Variants in NR1D2 observed in about 807,000 individuals in gnomAD.
NR1D2 encodes V-erbA-related protein 1-related.
A neutral mutation model predicts 52.2 loss-of-function variants in NR1D2; 25 were observed. The ratio of observed to expected loss-of-function variants is 0.48; its 90% CI spans 0.35 to 0.67. The LOEUF (loss-of-function observed/expected upper bound fraction) is 0.67, where lower values mean the gene tolerates loss of function less well. Among genes scored for constraint, NR1D2 ranks in the 30% least tolerant of loss-of-function variants. The pLI is 0.01. For synonymous variants in NR1D2, 259 were observed against 230.1 expected (o/e 1.13, Z -1.14); for missense variants, 681 against 707.2 (o/e 0.96, Z 0.42).
intron 6 of NR1D2, among the ~76,000 whole-genome samples, chr3:23,965,838 G>C (rs972709593): frequency 6.6e-6 from 1 of 152,140 alleles, no homozygotes; most frequent in African/African-American, 2.4e-5. Flanking sequence ...TACTGTATTC[G>C]ATACAGAATA....
intron 4 of NR1D2, 127 bp downstream of exon 4, chr3:23,959,942 T>C: frequency 1.2e-6 from 1 of 803,278 alleles, no homozygotes; most frequent in Middle Eastern, 2.5e-4. Context: ...AGAAAACATA[T>C]TTTCATGCTT....
intron 6 of NR1D2, 53 bp from the exon 7 acceptor site, chr3:23,967,760 T>C: frequency 4.3e-6 from 6 of 1,386,838 alleles, no homozygotes; most frequent in Non-Finnish European, 6.0e-6. Context: ...CTAAGTTATT[T>C]TTTTATTATT....
intron 1 of NR1D2, among the ~76,000 whole-genome samples, chr3:23,947,935 T>G (rs1705802810): frequency 6.6e-6 from 1 of 152,054 alleles, no homozygotes; most frequent in Non-Finnish European, 1.5e-5. Context: ...CTGGCCAACA[T>G]GGTGAAACCC....
At chr3:23,965,981 T>A (rs1706439426) in intron 6 of NR1D2, among the ~76,000 whole-genome samples, 1 of 152,264 alleles carries the variant, frequency 6.6e-6, no homozygotes, top group South Asian at 2.1e-4. Context: ...GCTACTTTTC[T>A]GTCCCGCTTC....
At chr3:23,952,956 G>A (rs1705982469) in intron 1 of NR1D2, among the ~76,000 whole-genome samples, 1 of 146,110 alleles carries the variant, frequency 6.8e-6, no homozygotes, top group Non-Finnish European at 1.5e-5. Flanking sequence ...TTCTCTGCCT[G>A]TTTTTTTTTT....
rs761638716 is a variant in NR1D2, at chr3:23,959,657, T to TC, written c.373-12dup. On this transcript the variant is annotated splice_polypyrimidine_tract_variant and intron_variant, in intron 3 of 7. Coordinates refer to ENST00000312521, the MANE Select transcript of NR1D2 (RefSeq NM_005126.5). Reference sequence around the variant, plus strand: ...TGTTTTTAAATGGGTAAGTAAATCTTCCTTTGTTCTTAGGGTTTCTTTCGG... The same window carrying TC: ...TGTTTTTAAATGGGTAAGTAAATCTTCCCTTTGTTCTTAGGGTTTCTTTCGG... 1 of 1,604,872 alleles carries TC rather than the reference T, an allele frequency of 6.2e-7. No homozygotes were observed. Among genetic ancestry groups the TC allele is most frequent in the Admixed American group, 1.7e-5 (1 of 57,776 alleles).
chr3:23,958,011 G>T (rs991305821), intron 3 of NR1D2, among the ~76,000 whole-genome samples: 4 of 152,214 alleles, frequency 2.6e-5, no homozygotes, highest in Admixed American at 1.3e-4. Context: ...TTCAGTAATT[G>T]CATTCTTGAG....
Position 23,963,156 on chromosome 3 carries a change from GA to G in NR1D2, c.1146+552del, listed in dbSNP as rs753196930. ...TTTCTCAGACTTCATCTTATGAGAT[GA>G]CTTAATGTTGGTCATATCATTGAAG... is the stretch of plus-strand genomic sequence containing the variant. On this transcript the variant is annotated intron_variant, in intron 5 of 7. Transcript: ENST00000312521. The G allele has an allele frequency of 7.5e-4, 491 of 651,234 alleles. 1 individual carries two copies. Among genetic ancestry groups the G allele is most frequent in the Non-Finnish European group, 1.1e-3 (466 of 412,378 alleles). The allele number at this position is 651,234 out of a possible 1,614,324, so 40.3% of individuals were successfully genotyped here.
At chr3:23,945,626 G>T in intron 1 of NR1D2, 32 bp downstream of exon 1, 1 of 1,158,778 alleles carries the variant, frequency 8.6e-7, no homozygotes, top group Non-Finnish European at 1.1e-6. Flanking sequence ...GTGGGGGATG[G>T]CCGGAGGGAG....
intron 3 of NR1D2, among the ~76,000 whole-genome samples, chr3:23,957,745 A>C (rs946049790): frequency 1.5e-4 from 23 of 152,034 alleles, no homozygotes; most frequent in Non-Finnish European, 1.5e-4. Flanking sequence ...AAGTGAAGTA[A>C]TATTGGGGAA....
chr3:23,945,526 C>CG lies in NR1D2; in HGVS notation c.-52dup. ...CGCGGCGCTGAGGCGGCGGCGGCGG[C>CG]GCTGCCCCCTCTGCGGGAAGCGGGC... On this transcript the variant is annotated 5_prime_UTR_variant, in exon 1 of 8. Transcript: ENST00000312521. 9.1e-7 allele frequency: 1 copy of CG among 1,100,514 alleles called. No individual in the cohort carries two copies. Among genetic ancestry groups the CG allele is most frequent in the Non-Finnish European group, 1.1e-6 (1 of 893,810 alleles). 68.2% of individuals were successfully genotyped at this position (1,100,514 alleles called of 1,614,324 possible).
At position 23,980,111 on chromosome 3, in the gene NR1D2, G is replaced by C. The variant is rs991847553; in HGVS notation, c.*2692G>C. 1.3e-5 allele frequency: 2 copies of C among 152,134 alleles called. No homozygotes were observed. The highest frequency in any genetic ancestry group is 2.9e-5 in the Non-Finnish European group (2 of 68,008). 9.4% of individuals were successfully genotyped at this position (152,134 alleles called of 1,614,324 possible). On this transcript the variant is annotated 3_prime_UTR_variant, in exon 8 of 8. Transcript: ENST00000312521. ...ATTAAAAAATTAGAAGGAAATTTCA[G>C]TGGATTAAGTGTATAGCTTTCATAT...
chr3:23,959,286 C>G (rs543859222), intron 3 of NR1D2, among the ~76,000 whole-genome samples: 2 of 148,834 alleles, frequency 1.3e-5, no homozygotes, highest in South Asian at 4.3e-4. Flanking sequence ...AAAAAAGAAT[C>G]AGTCATTCAT....
Position 23,963,375 on chromosome 3 carries a change from C to T in NR1D2, c.1146+770C>T, listed in dbSNP as rs912702624. On this transcript the variant is annotated intron_variant, in intron 5 of 7. Transcript: ENST00000312521. The stretch of plus-strand genomic sequence containing the variant: ...TCATTTTCAAAATAGTTGACTCTAC[C>T]TCAATCTTCATTAAAATTTTTGTTG... The T allele has an allele frequency of 6.3e-6, 8 of 1,274,784 alleles. No homozygotes were observed. The African/African-American group carries it at 7.8e-5, about 12-fold the overall frequency. 79.0% of individuals were successfully genotyped at this position (1,274,784 alleles called of 1,614,324 possible). A position where few individuals can be genotyped will look rare whatever the true frequency, so the allele number is the denominator to read the frequency against.
At chr3:23,963,234 A>G in intron 5 of NR1D2, 3 of 1,348,160 alleles carry the variant, frequency 2.2e-6, no homozygotes, top group Non-Finnish European at 2.0e-6. Context: ...TACAGTGTTC[A>G]TATTCAGCCA....
At chr3:23,967,385 C>T (rs756819273) in intron 6 of NR1D2, among the ~76,000 whole-genome samples, 2 of 151,384 alleles carry the variant, frequency 1.3e-5, no homozygotes, top group African/African-American at 4.9e-5. Flanking sequence ...GAGGCTGAAG[C>T]GGGTGGATCA....
At chr3:23,969,372 C>A (rs73822611) in intron 7 of NR1D2, among the ~76,000 whole-genome samples, 4 of 152,018 alleles carry the variant, frequency 2.6e-5, no homozygotes, top group African/African-American at 9.7e-5. Flanking sequence ...TAAAGACTTG[C>A]CATTTGGTAA....
At chr3:23,950,748 A>G (rs771555766) in intron 1 of NR1D2, among the ~76,000 whole-genome samples, 3 of 152,162 alleles carry the variant, frequency 2.0e-5, no homozygotes, top group Non-Finnish European at 2.9e-5. Context: ...ATAATAGCCC[A>G]GTAGTTTCTT....
chr3:23,970,677 CTG>C (rs1369784456), intron 7 of NR1D2, among the ~76,000 whole-genome samples: 10 of 152,192 alleles, frequency 6.6e-5, no homozygotes, highest in Admixed American at 1.3e-4. Flanking sequence ...TGTTATGTCA[CTG>C]TATGAACATA....
Sources: allele counts gnomAD v4.1 joint callset (sites outside exome capture counted in the v4.1 genomes callset), GRCh38; gene constraint gnomAD v4.1.1; transcripts MANE v1.5; gene names NCBI Gene and HGNC (gene_info 2026-07-23, HGNC 2026-07-21).